The following TBL1XR1 variants were observed in gnomAD, a reference collection of about 807,000 sequenced individuals.
TBL1XR1 encodes TBL1X/Y related 1.
In TBL1XR1, 5 loss-of-function variants were observed where a neutral mutation model predicts 66.9. The observed-to-expected ratio is 0.07, with a 90% CI of 0.04 to 0.16. The LOEUF (loss-of-function observed/expected upper bound fraction) is 0.16. Among genes scored for constraint, TBL1XR1 ranks in the 10% least tolerant of loss-of-function variants. The probability of loss-of-function intolerance (pLI) is 1.00; values close to 1 mark genes in which losing one functional copy is unlikely to be tolerated. For synonymous variants in TBL1XR1, 210 were observed against 206.0 expected, an observed-to-expected ratio of 1.02 and a Z score of -0.17; for missense variants, 238 against 623.2, an observed-to-expected ratio of 0.38 and a Z score of 6.58.
chr3:177,034,544 A>G (rs867535039), intron 12 of TBL1XR1, among the ~76,000 whole-genome samples: 1 of 152,190 alleles, frequency 6.6e-6, no homozygotes, highest in Admixed American at 6.5e-5. Flanking sequence ...CCCTTTAAAA[A>G]TATTCACTAT....
At chr3:177,194,880 TATC>T (rs1736632660) in intron 1 of TBL1XR1, among the ~76,000 whole-genome samples, 1 of 152,132 alleles carries the variant, frequency 6.6e-6, no homozygotes, top group South Asian at 2.1e-4. Flanking sequence ...AATGCAAAAA[TATC>T]ATCTCTGCAA....
intron 1 of TBL1XR1, among the ~76,000 whole-genome samples, chr3:177,147,094 T>A (rs1730349027): frequency 6.6e-6 from 1 of 152,014 alleles, no homozygotes; most frequent in Admixed American, 6.6e-5. Flanking sequence ...TCACCCAGCC[T>A]GGAGTGCAAT....
At chr3:177,184,076 C>A (rs1414728092) in intron 1 of TBL1XR1, among the ~76,000 whole-genome samples, 1 of 152,104 alleles carries the variant, frequency 6.6e-6, no homozygotes, top group African/African-American at 2.4e-5. Flanking sequence ...ACAGGTGCTC[C>A]CTTTCTCTGA....
intron 1 of TBL1XR1, among the ~76,000 whole-genome samples, chr3:177,193,456 AC>A (rs1001103096): frequency 5.2e-4 from 79 of 152,052 alleles, no homozygotes; most frequent in African/African-American, 1.8e-3. Flanking sequence ...GACTACAGGT[AC>A]CCGCCACCAC....
chr3:177,156,055 T>TA (rs1422662341), intron 1 of TBL1XR1, among the ~76,000 whole-genome samples: 11 of 137,300 alleles, frequency 8.0e-5, no homozygotes, highest in African/African-American at 3.1e-4. Flanking sequence ...GCTAACACTC[T>TA]AAAACTTCTA....
chr3:177,129,171 C>CT (rs1411234213), intron 1 of TBL1XR1, among the ~76,000 whole-genome samples: 3 of 152,218 alleles, frequency 2.0e-5, no homozygotes, highest in South Asian at 2.1e-4. Context: ...TTGTATTATA[C>CT]TTTTTTTAAA....
chr3:177,086,704 T>C (rs1361533986), intron 2 of TBL1XR1, among the ~76,000 whole-genome samples: 2 of 152,018 alleles, frequency 1.3e-5, no homozygotes, highest in East Asian at 1.9e-4. Flanking sequence ...GTAAGATAAC[T>C]ACTCTCTATC....
chr3:177,083,697 A>G (rs1438184529), intron 2 of TBL1XR1, among the ~76,000 whole-genome samples: 1 of 152,212 alleles, frequency 6.6e-6, no homozygotes, highest in Non-Finnish European at 1.5e-5. Context: ...TTGTTAATAC[A>G]TCTATTCAAA....
intron 2 of TBL1XR1, among the ~76,000 whole-genome samples, chr3:177,073,875 T>C (rs1257942507): frequency 6.6e-6 from 1 of 152,226 alleles, no homozygotes; most frequent in African/African-American, 2.4e-5. Flanking sequence ...TCATCACTTG[T>C]ATTGTAGAAG....
At chr3:177,069,301 T>G (rs1719573359) in intron 2 of TBL1XR1, among the ~76,000 whole-genome samples, 1 of 152,122 alleles carries the variant, frequency 6.6e-6, no homozygotes. Context: ...GGGTCAGATC[T>G]CAGACAGACA....
intron 1 of TBL1XR1, among the ~76,000 whole-genome samples, chr3:177,165,525 G>A (rs1732719253): frequency 6.6e-6 from 1 of 152,014 alleles, no homozygotes; most frequent in African/African-American, 2.4e-5. Context: ...TTGAAGGAGA[G>A]AACAAAGTGA....
intron 12 of TBL1XR1, among the ~76,000 whole-genome samples, chr3:177,036,666 A>G (rs990281143): frequency 6.6e-6 from 1 of 152,224 alleles, no homozygotes; most frequent in Non-Finnish European, 1.5e-5. Context: ...AAGCATTAAG[A>G]AGAGTATTAA....
intron 1 of TBL1XR1, among the ~76,000 whole-genome samples, chr3:177,124,379 T>TGAAATGCAG (rs1727353755): frequency 6.6e-6 from 1 of 152,162 alleles, no homozygotes; most frequent in African/African-American, 2.4e-5. Flanking sequence ...TCTGTACTTT[T>TGAAATGCAG]AATGACCCAT....
chr3:177,158,026 T>C (rs972583262), intron 1 of TBL1XR1, among the ~76,000 whole-genome samples: 2 of 152,020 alleles, frequency 1.3e-5, no homozygotes, highest in African/African-American at 4.8e-5. Context: ...GGCTAATAGG[T>C]TTGCTCATAG....
intron 1 of TBL1XR1, among the ~76,000 whole-genome samples, chr3:177,135,349 A>G (rs1192479251): frequency 0.049 from 977 of 19,912 alleles, 22 homozygotes; most frequent in East Asian, 0.079. Context: ...ATATATATAT[A>G]TATATATATA....
upstream of TBL1XR1, among the ~76,000 whole-genome samples, chr3:177,199,272 C>T (rs1393972092): frequency 6.6e-6 from 1 of 152,158 alleles, no homozygotes; most frequent in Non-Finnish European, 1.5e-5. Context: ...CCGCACAAAG[C>T]AAGTTTTGCA....
intron 1 of TBL1XR1, among the ~76,000 whole-genome samples, chr3:177,117,008 A>T (rs1024455894): frequency 6.6e-6 from 1 of 152,220 alleles, no homozygotes; most frequent in Non-Finnish European, 1.5e-5. Context: ...TTATAAAAAC[A>T]ACATGACCCG....
intron 1 of TBL1XR1, among the ~76,000 whole-genome samples, chr3:177,186,483 T>C (rs1255944006): frequency 6.6e-6 from 1 of 152,220 alleles, no homozygotes; most frequent in African/African-American, 2.4e-5. Context: ...AATTGCCTTA[T>C]ACTGTGAGTT....
chr3:177,177,794 T>C (rs1734333340), intron 1 of TBL1XR1, among the ~76,000 whole-genome samples: 2 of 152,136 alleles, frequency 1.3e-5, no homozygotes, highest in Admixed American at 1.3e-4. Context: ...CTAGGTCCTG[T>C]TCTAGGTAGC....
Sources: gnomAD v4.1 joint callset for allele counts (sites outside exome capture counted in the v4.1 genomes callset) on GRCh38, gnomAD v4.1.1 for gene constraint, MANE v1.5 for transcripts, NCBI Gene and HGNC (gene_info 2026-07-23, HGNC 2026-07-21) for gene names.